Variants in SEMA4G observed in about 807,000 individuals in gnomAD.
The protein encoded by SEMA4G is semaphorin 4G.
Under a neutral mutation model 81.2 loss-of-function variants are expected in SEMA4G, and 59 were observed. The observed-to-expected ratio is 0.73, with a 90% CI of 0.59 to 0.90. The LOEUF is 0.90. Ranked by LOEUF, SEMA4G falls within the 40% of genes least tolerant of loss-of-function variation. SEMA4G has a pLI of 0.00. For synonymous variants in SEMA4G, 404 were observed against 433.9 expected (o/e 0.93, Z 0.86); for missense variants, 952 against 1,102.3 (o/e 0.86, Z 1.93).
upstream of SEMA4G, among the ~76,000 whole-genome samples, chr10:100,971,148 A>G (rs1727890812): frequency 6.6e-6 from 1 of 152,158 alleles, no homozygotes; most frequent in African/African-American, 2.4e-5. Flanking sequence ...ACCCATGTGC[A>G]TGTATATCAC....
At chr10:100,983,723 A>T in exon 14 of SEMA4G, 1 of 1,613,528 alleles carries the variant, frequency 6.2e-7, no homozygotes, top group Non-Finnish European at 8.5e-7. Flanking sequence ...GTCTGCGGGA[A>T]GGCAGACGAG....
chr10:100,977,281 A>T (rs901952019), intron 3 of SEMA4G, among the ~76,000 whole-genome samples: 1 of 152,146 alleles, frequency 6.6e-6, no homozygotes, highest in African/African-American at 2.4e-5. Flanking sequence ...CCAAGAATAG[A>T]AAGAGGTGCT....
chr10:100,978,777 G>T, intron 6 of SEMA4G, 72 bp from the exon 8 acceptor site: 1 of 1,579,622 alleles, frequency 6.3e-7, no homozygotes. Context: ...GTCAAGTGAG[G>T]GGTCAGCCTC....
chr10:100,983,528 C>T (rs764912089), exon 14 of SEMA4G: 2 of 1,614,054 alleles, frequency 1.2e-6, no homozygotes, highest in Non-Finnish European at 1.7e-6. Flanking sequence ...AGGAAAATGG[C>T]CTCCGCACCC....
At chr10:100,980,620 T>C in exon 11 of SEMA4G, 1 of 1,614,224 alleles carries the variant, frequency 6.2e-7, no homozygotes, top group Non-Finnish European at 8.5e-7. Context: ...GGCTCTGGGA[T>C]GCACATTATT....
chr10:100,976,429 C>A lies in SEMA4G; in HGVS notation c.337-1203C>A, dbSNP rs7091358. On this transcript the variant is annotated intron_variant, in intron 3 of 13. Transcript: ENST00000370250. ...GCTGGAGTGCAGTGGTTCACTGCAG[C>A]CTCGACCTCCTGGGCTCAAACAATT... Among the ~76,000 whole-genome samples the A allele has an allele frequency of 6.6e-3, 1,000 of 152,230 alleles. 9 individuals are homozygous for A. Among genetic ancestry groups the A allele is most frequent in the African/African-American group, 0.023 (967 of 41,524 alleles).
rs768266320 is a variant in SEMA4G, at chr10:100,973,322, T to G, written c.273+45T>G. On this transcript the variant is annotated intron_variant, in intron 2 of 13. Transcript: ENST00000370250. The surrounding 1 kb of genome is among the most constrained non-coding windows in gnomAD (Gnocchi z 5.5). ...ACCACCCAGAGGGTCTCTATGCTTA[T>G]CCAGCTCCCTGGGACCTCAACTTCC... is the stretch of plus-strand genomic sequence containing the variant. 6.2e-7 allele frequency: 1 copy of G among 1,604,970 alleles called. No homozygotes were observed. Among genetic ancestry groups the G allele is most frequent in the Non-Finnish European group, 8.5e-7 (1 of 1,177,394 alleles).
At chr10:100,981,924 G>A (rs1851099139) in intron 13 of SEMA4G, among the ~76,000 whole-genome samples, 1 of 151,882 alleles carries the variant, frequency 6.6e-6, no homozygotes, top group South Asian at 2.1e-4. Flanking sequence ...CGGGTGTGGT[G>A]GCACATGTCT....
intron 3 of SEMA4G, among the ~76,000 whole-genome samples, chr10:100,976,880 G>T (rs1455385502): frequency 6.6e-6 from 1 of 152,158 alleles, no homozygotes; most frequent in Non-Finnish European, 1.5e-5. Flanking sequence ...AAAAGAGAAG[G>T]TTGGGAGGAG....
chr10:100,980,165 A>G (rs1564796809), exon 10 of SEMA4G: 2 of 1,614,196 alleles, frequency 1.2e-6, no homozygotes, highest in South Asian at 1.1e-5. Context: ...AATTCATCCC[A>G]AGACTTGCCA....
exon 14 of SEMA4G, chr10:100,984,709 T>C: frequency 2.6e-6 from 4 of 1,536,132 alleles, no homozygotes; most frequent in South Asian, 2.4e-5. Context: ...GGACTTGGGG[T>C]ACCCTCCCAA....
chr10:100,973,523 G>A lies in SEMA4G; in HGVS notation c.274-24G>A. 6.2e-7 allele frequency: 1 copy of A among 1,611,764 alleles called. No homozygotes were observed. Among genetic ancestry groups the A allele is most frequent in the Non-Finnish European group, 8.5e-7 (1 of 1,177,862 alleles). ...AATAGGTATTGGGGTCAGTGCATCA[G>A]CCTATTCCCTTTGCCTCCACTAGAT... On this transcript the variant is annotated intron_variant, in intron 2 of 13. Coordinates refer to ENST00000370250, the Ensembl canonical transcript of SEMA4G. This position sits in a 1 kb window ranked among gnomAD's most constrained non-coding sequence, Gnocchi z 5.5.
chr10:100,983,511 T>C, exon 14 of SEMA4G: 1 of 1,614,194 alleles, frequency 6.2e-7, no homozygotes, highest in Non-Finnish European at 8.5e-7. Context: ...CTATGGCTGC[T>C]ATGCCGAGGA....
chr10:100,979,635 CCT>C (rs2133881429), intron 8 of SEMA4G, among the ~76,000 whole-genome samples: 1 of 152,236 alleles, frequency 6.6e-6, no homozygotes, highest in East Asian at 1.9e-4. Context: ...CTCGCCTCGG[CCT>C]CTCAAAGTGC....
chr10:100,984,192 T>C, exon 14 of SEMA4G: 2 of 1,539,202 alleles, frequency 1.3e-6, no homozygotes, highest in African/African-American at 2.7e-5. Context: ...GCTGGGCCAC[T>C]GCCTCCCTAA....
intron 6 of SEMA4G, 54 bp from the exon 8 acceptor site, chr10:100,978,795 G>A: frequency 6.3e-7 from 1 of 1,596,726 alleles, no homozygotes; most frequent in Non-Finnish European, 8.6e-7. Flanking sequence ...CTCAGAGTGA[G>A]GGAAAGGAAT....
upstream of SEMA4G, among the ~76,000 whole-genome samples, chr10:100,972,029 A>G (rs1334603853): frequency 6.6e-6 from 1 of 152,064 alleles, no homozygotes; most frequent in Non-Finnish European, 1.5e-5. Flanking sequence ...AGGAATACCA[A>G]GAAGTTATAA....
intron 3 of SEMA4G, among the ~76,000 whole-genome samples, chr10:100,976,432 C>T (rs777533846): frequency 2.0e-5 from 3 of 152,272 alleles, no homozygotes; most frequent in Non-Finnish European, 2.9e-5. Flanking sequence ...ACTGCAGCCT[C>T]GACCTCCTGG....
chr10:100,974,875 G>C, intron 3 of SEMA4G: 1 of 416,386 alleles, frequency 2.4e-6, no homozygotes, highest in African/African-American at 2.1e-5. Context: ...ACTTTGGGAG[G>C]CCAAGGCAGG....
Sources: allele counts gnomAD v4.1 joint callset (sites outside exome capture counted in the v4.1 genomes callset), GRCh38; gene constraint gnomAD v4.1.1; non-coding constraint Gnocchi (gnomAD v3.1); transcripts MANE v1.5; gene names NCBI Gene and HGNC (gene_info 2026-07-23, HGNC 2026-07-21).